The following PCLO variants were observed in gnomAD, a reference collection of about 807,000 sequenced individuals.
PCLO encodes the protein protein piccolo.
A neutral mutation model predicts 427.5 loss-of-function variants in PCLO; 82 were observed. The ratio of observed to expected loss-of-function variants is 0.19; its 90% CI spans 0.16 to 0.23. The LOEUF (loss-of-function observed/expected upper bound fraction) is 0.23, where lower values mean the gene tolerates loss of function less well. Among genes scored for constraint, PCLO ranks in the 10% least tolerant of loss-of-function variants. The pLI, the probability that PCLO is intolerant of heterozygous loss-of-function variation, is 1.00. For missense variants in PCLO, 6,239 were observed against 6,115.9 expected, an observed-to-expected ratio of 1.02 and a Z score of -0.67; for synonymous variants, 2,357 against 2,155.4, an observed-to-expected ratio of 1.09 and a Z score of -2.59.
chr7:83,073,489 G>T (rs1215819517), intron 3 of PCLO, among the ~76,000 whole-genome samples: 2 of 151,884 alleles, frequency 1.3e-5, no homozygotes, highest in African/African-American at 4.8e-5. Flanking sequence ...AATATGAATA[G>T]AACAAAATCC....
intron 3 of PCLO, among the ~76,000 whole-genome samples, chr7:83,052,553 T>C (rs1291310769): frequency 6.6e-6 from 1 of 151,996 alleles, no homozygotes; most frequent in Non-Finnish European, 1.5e-5. Flanking sequence ...GTGTTGAGCA[T>C]AGTGTCTCAA....
At chr7:83,018,654 A>T (rs963733579) in intron 3 of PCLO, among the ~76,000 whole-genome samples, 7 of 152,160 alleles carry the variant, frequency 4.6e-5, no homozygotes, top group African/African-American at 7.2e-5. Flanking sequence ...TACATGTTAA[A>T]TATTCTTAAT....
Position 82,793,015 on chromosome 7 carries a change from T to A in PCLO, c.15007+8503A>T, listed in dbSNP as rs959911016. Among the ~76,000 whole-genome samples the A allele has an allele frequency of 2.2e-4, 33 of 152,208 alleles. 1 individual carries two copies. Among genetic ancestry groups the A allele is most frequent in the African/African-American group, 6.7e-4 (28 of 41,514 alleles). ...CTTAAGTTATTAATTGCTTTTTTTTTTTACAATTCGCTCAGCTTTCTGCGT... is the reference window on the plus strand; with the variant it reads ...CTTAAGTTATTAATTGCTTTTTTTTATTACAATTCGCTCAGCTTTCTGCGT... On this transcript the variant is annotated intron_variant, in intron 22 of 24. Transcript: ENST00000333891.
Position 83,156,096 on chromosome 7 carries a change from G to A in PCLO, c.545C>T (p.Ser182Phe). Residue 182 changes from serine to phenylalanine, a missense_variant, in exon 2 of 25, where the codon TCT becomes TTT. Physicochemically the swap from Ser to Phe is radical, Grantham distance 155. Around this residue, in one of 5 missense-constraint regions of PCLO, gnomAD observed 4,677 missense variants for 4,468.4 expected, o/e 1.05. Coordinates refer to ENST00000333891, the MANE Select transcript of PCLO (RefSeq NM_033026.6). Reference protein sequence around the residue: ...KFNPFDLISDSEASQEETTKK... With the variant: ...KFNPFDLISDFEASQEETTKK... ...GGTGGTTTCTTCCTGGGATGCCTCA[G>A]AGTCTGATATCAAATCAAAAGGGTT... The A allele has an allele frequency of 6.2e-7, 1 of 1,613,760 alleles. No individual in the cohort carries two copies. Among genetic ancestry groups the A allele is most frequent in the Middle Eastern group, 1.6e-4 (1 of 6,062 alleles).
At chr7:82,945,545 G>T (rs531781665) in intron 6 of PCLO, among the ~76,000 whole-genome samples, 1 of 152,132 alleles carries the variant, frequency 6.6e-6, no homozygotes, top group Non-Finnish European at 1.5e-5. Context: ...TTATAAAAGG[G>T]AAATTTGGGA....
intron 3 of PCLO, among the ~76,000 whole-genome samples, chr7:83,024,291 G>A (rs143453213): frequency 0.018 from 2,698 of 152,280 alleles, 44 homozygotes; most frequent in Admixed American, 0.033. Context: ...TGCCTCACTC[G>A]GGAAGCGCAA....
chr7:82,828,288 T>C (rs2115689669), intron 16 of PCLO, among the ~76,000 whole-genome samples: 1 of 152,206 alleles, frequency 6.6e-6, no homozygotes, highest in African/African-American at 2.4e-5. Flanking sequence ...AATAGTAACA[T>C]CAATGTTACT....
At chr7:82,769,585 G>A (rs1790605437) in intron 22 of PCLO, among the ~76,000 whole-genome samples, 1 of 152,090 alleles carries the variant, frequency 6.6e-6, no homozygotes, top group Admixed American at 6.6e-5. Context: ...AGTCTCTTTA[G>A]AGGCAAGTTT....
At chr7:83,094,527 C>G (rs1356684235) in intron 3 of PCLO, among the ~76,000 whole-genome samples, 3 of 152,152 alleles carry the variant, frequency 2.0e-5, no homozygotes, top group Non-Finnish European at 4.4e-5. Flanking sequence ...CTTTCTAACT[C>G]AGCATAGTTC....
Position 83,162,420 on chromosome 7 carries a change from G to A in PCLO, c.173C>T (p.Ala58Val). The change falls in exon 1 of 25, where the codon GCT becomes GTT. Residue 58 changes from alanine (A) to valine (V), a missense_variant. By Grantham distance (64) the Ala-to-Val change is moderately conservative. Around this residue, in one of 5 missense-constraint regions of PCLO, gnomAD observed 4,677 missense variants for 4,468.4 expected, o/e 1.05. Transcript: ENST00000333891. ...LSEEERRQIA[A>V]VMSRAQGLPK... ...CAGCCCCTGCGCCCTTGACATGACA[G>A]CGGCGATCTGTCTCCTCTCCTCTTC... is the stretch of plus-strand genomic sequence containing the variant. 2 of 1,597,176 alleles carry A rather than the reference G, an allele frequency of 1.3e-6. No individual in the cohort carries two copies. Among genetic ancestry groups the A allele is most frequent in the Non-Finnish European group, 1.7e-6 (2 of 1,171,790 alleles).
At chr7:83,065,985 G>T (rs925755652) in intron 3 of PCLO, among the ~76,000 whole-genome samples, 2 of 152,016 alleles carry the variant, frequency 1.3e-5, no homozygotes, top group African/African-American at 4.8e-5. Context: ...ATTGTATTCT[G>T]CCTGCTGTAT....
intron 3 of PCLO, among the ~76,000 whole-genome samples, chr7:83,105,435 G>A (rs1790830001): frequency 6.6e-6 from 1 of 152,114 alleles, no homozygotes; most frequent in Non-Finnish European, 1.5e-5. Context: ...TTACTTACAA[G>A]TGAATCTTAA....
At chr7:83,042,957 G>A (rs1391641850) in intron 3 of PCLO, among the ~76,000 whole-genome samples, 1 of 152,198 alleles carries the variant, frequency 6.6e-6, no homozygotes, top group African/African-American at 2.4e-5. Flanking sequence ...GCCTCTCAAT[G>A]TTGTATTCTG....
intron 6 of PCLO, among the ~76,000 whole-genome samples, chr7:82,948,549 T>C (rs1002299922): frequency 6.6e-6 from 1 of 152,158 alleles, no homozygotes; most frequent in Admixed American, 6.5e-5. Context: ...TTAGGGGAAC[T>C]TCTAATTTGA....
At chr7:83,114,280 C>T (rs796935074) in intron 3 of PCLO, among the ~76,000 whole-genome samples, 3 of 151,776 alleles carry the variant, frequency 2.0e-5, no homozygotes, top group Admixed American at 1.3e-4. Flanking sequence ...CAGGGAATTG[C>T]GATGCTATAT....
chr7:82,978,886 A>T (rs1179996349), intron 3 of PCLO, among the ~76,000 whole-genome samples: 1 of 151,258 alleles, frequency 6.6e-6, no homozygotes, highest in Non-Finnish European at 1.5e-5. Flanking sequence ...ACACACACAC[A>T]CACACACACT....
intron 3 of PCLO, among the ~76,000 whole-genome samples, chr7:83,121,832 A>G (rs1791288193): frequency 6.8e-6 from 1 of 146,486 alleles, no homozygotes; most frequent in East Asian, 2.2e-4. Flanking sequence ...TAGCCCTGAC[A>G]CCAAAACCAA....
chr7:83,038,087 T>TTATATATATATATATTTATA (rs200769328), intron 3 of PCLO, among the ~76,000 whole-genome samples: 2 of 66,264 alleles, frequency 3.0e-5, no homozygotes, highest in African/African-American at 1.1e-4. Context: ...ATATATATCT[T>TTATATATATATATATTTATA]TATATATATA....
chr7:82,811,825 T>A (rs1791578173), intron 20 of PCLO, among the ~76,000 whole-genome samples: 1 of 151,488 alleles, frequency 6.6e-6, no homozygotes, highest in African/African-American at 2.4e-5. Context: ...TCTCTATCAG[T>A]CATTTGTAAG....
Sources: allele counts gnomAD v4.1 joint callset (sites outside exome capture counted in the v4.1 genomes callset), GRCh38; gene constraint gnomAD v4.1.1; regional missense constraint gnomAD v4.1.1; transcripts MANE v1.5; gene names NCBI Gene and HGNC (gene_info 2026-07-23, HGNC 2026-07-21).